Variants in GATA3 observed in about 807,000 individuals in gnomAD.
The protein encoded by GATA3 is GATA binding protein 3, also known as trans-acting T-cell-specific transcription factor GATA-3.
A neutral mutation model predicts 36.0 loss-of-function variants in GATA3; 6 were observed. The observed-to-expected ratio is 0.17, with a 90% CI of 0.09 to 0.33. GATA3 has a LOEUF of 0.33. GATA3 is among the 10% of genes least tolerant of loss of function. The pLI, the probability that GATA3 is intolerant of heterozygous loss-of-function variation, is 1.00. For missense variants in GATA3, 514 were observed against 610.1 expected, an observed-to-expected ratio of 0.84 and a Z score of 1.66; for synonymous variants, 326 against 273.0, an observed-to-expected ratio of 1.19 and a Z score of -1.92.
rs1161009409 is a variant in GATA3 at position 8,055,959 on chromosome 10, T to C, written c.241+63T>C. The C allele has an allele frequency of 1.3e-6, 2 of 1,544,870 alleles. No homozygotes were observed. The highest frequency in any genetic ancestry group is 8.7e-7 in the Non-Finnish European group (1 of 1,143,396). On this transcript the variant is annotated intron_variant, in intron 2 of 5. Transcript: ENST00000379328. This position sits in a 1 kb window ranked among gnomAD's most constrained non-coding sequence, Gnocchi z 5.4. ...CTTCAGCCGTCCCGGCTCGGGGAGG[T>C]CGGGAGGGACCTGAGGGCGGGGAGA...
In GATA3 at chr10:8,069,618, C is replaced by T. The variant is rs771990373; in HGVS notation, c.1050+20C>T. The T allele has an allele frequency of 4.3e-6, 7 of 1,613,884 alleles. No individual in the cohort carries two copies. Among genetic ancestry groups the T allele is most frequent in the Non-Finnish European group, 5.9e-6 (7 of 1,179,952 alleles). ...CACAATGTAAGTGGACTGGGATCAG[C>T]AAGAACAGGGCTCGCTTCCTGATGG... On this transcript the variant is annotated intron_variant, in intron 5 of 5. Transcript: ENST00000379328.
rs1315616378 is a variant in GATA3, at chr10:8,064,308, C to CTTTTT, written c.924+172_924+173insTTTTT. On this transcript the variant is annotated intron_variant, in intron 4 of 5. Transcript: ENST00000379328. ...CTTTTTCTTTCTTTCTTTTCTTCTT[C>CTTTTT]TTCTTTTTTTTTTTTTTTTTCAAAT... 6.1e-5 allele frequency among the ~76,000 whole-genome samples: 7 copies of CTTTTT among 114,134 alleles called. No homozygotes were observed. The South Asian group carries it at 8.4e-4, about 14-fold the overall frequency. 74.9% of individuals were successfully genotyped at this position (114,134 alleles called of 152,430 possible).
intron 3 of GATA3, among the ~76,000 whole-genome samples, chr10:8,061,080 TC>T (rs1460865066): frequency 1.3e-5 from 2 of 148,826 alleles, no homozygotes; most frequent in Admixed American, 7.0e-5. Context: ...TCTCTCTCTC[TC>T]TCTCTCTCTT....
At chr10:8,049,556 C>A (rs1038644198), upstream of GATA3, among the ~76,000 whole-genome samples, 2 of 152,166 alleles carry the variant, frequency 1.3e-5, no homozygotes, top group East Asian at 3.9e-4. Flanking sequence ...CCGCAGCGGG[C>A]TCCCCGCGGT....
Position 8,074,320 on chromosome 10 carries a change from G to T in GATA3, c.*297G>T. 2.4e-6 allele frequency: 1 copy of T among 418,276 alleles called. No individual in the cohort carries two copies. The highest frequency in any genetic ancestry group is 4.7e-5 in the South Asian group (1 of 21,500). The allele number at this position is 418,276 out of a possible 1,614,324, so 25.9% of individuals were successfully genotyped here. ...ACATTGCATATAACTTATATTGTAA[G>T]AAATACTGTACAATGACTTTATTGC... On this transcript the variant is annotated 3_prime_UTR_variant, in exon 6 of 6. Transcript: ENST00000379328.
At chr10:8,052,308 C>G (rs1564394813), upstream of GATA3, 1 of 152,212 alleles carries the variant, frequency 6.6e-6, no homozygotes, top group Admixed American at 6.5e-5. Flanking sequence ...GCCAGTCCGA[C>G]TTGGTGCTCG....
At chr10:8,064,634 T>C (rs1832806591) in intron 4 of GATA3, among the ~76,000 whole-genome samples, 1 of 152,192 alleles carries the variant, frequency 6.6e-6, no homozygotes. Context: ...GATGGATTTG[T>C]TATGCTAATG....
In GATA3 at chr10:8,055,744, G is replaced by C; in HGVS notation, c.89G>C (p.Gly30Ala). The C allele has an allele frequency of 6.3e-7, 1 of 1,578,404 alleles. No homozygotes were observed. The highest frequency in any genetic ancestry group is 2.3e-5 in the East Asian group (1 of 42,818). Residue 30 changes from glycine (G) to alanine (A), a missense_variant, in exon 2 of 6, where the codon GGC becomes GCC. This residue lies in a region of GATA3 where 381 missense variants were observed against 354.3 expected (regional missense o/e 1.08). Coordinates refer to ENST00000379328, the MANE Select transcript of GATA3 (RefSeq NM_001002295.2). This position sits in a 1 kb window ranked among gnomAD's most constrained non-coding sequence, Gnocchi z 5.4. ...NGQHPDTHHP[G>A]LSHSYMDAAQ... ...CAGCACCCGGACACGCACCACCCGGGCCTCAGCCACTCCTACATGGACGCG... is the reference window on the plus strand; with the variant it reads ...CAGCACCCGGACACGCACCACCCGGCCCTCAGCCACTCCTACATGGACGCG...
upstream of GATA3, chr10:8,052,907 GGGA>G (rs1832537564): frequency 6.7e-6 from 1 of 149,048 alleles, no homozygotes; most frequent in South Asian, 2.2e-4. Flanking sequence ...CGGGGGGGGG[GGGA>G]GCTTTCTTTA....
At chr10:8,053,424 A>G (rs1236111029), upstream of GATA3, 1 of 152,228 alleles carries the variant, frequency 6.6e-6, no homozygotes, top group Non-Finnish European at 1.5e-5. This position sits in a 1 kb window ranked among gnomAD's most constrained non-coding sequence, Gnocchi z 5.1. Context: ...TCGCCCGAGC[A>G]GCATTTTCGG....
chr10:8,071,609 C>A (rs1192626022), intron 5 of GATA3, among the ~76,000 whole-genome samples: 2 of 152,076 alleles, frequency 1.3e-5, no homozygotes, highest in Non-Finnish European at 2.9e-5. Flanking sequence ...TGGCTGGGCT[C>A]CAGTGAATGG....
At chr10:8,060,621 G>A (rs1383978347) in intron 3 of GATA3, among the ~76,000 whole-genome samples, 1 of 152,024 alleles carries the variant, frequency 6.6e-6, no homozygotes. Context: ...TGGTTTGTGC[G>A]GGGGGAGGGG....
chr10:8,058,544 G>T lies in GATA3; in HGVS notation c.481G>T (p.Val161Phe). 6.2e-7 allele frequency: 1 copy of T among 1,611,210 alleles called. No individual in the cohort carries two copies. Reference protein sequence around the residue: ...FTFPPTPPKDVSPDPSLSTPG... With the variant: ...FTFPPTPPKDFSPDPSLSTPG... ...CTTCCCGCCCACCCCGCCGAAGGAC[G>T]TCTCCCCGGACCCATCGCTGTCCAC... Residue 161 changes from valine to phenylalanine, a missense_variant, in exon 3 of 6, where the codon GTC (valine) becomes TTC (phenylalanine). Coordinates refer to ENST00000379328, the MANE Select transcript of GATA3 (RefSeq NM_001002295.2).
chr10:8,055,990 A>G lies in GATA3; in HGVS notation c.241+94A>G. ...GGGACCTGAGGGCGGGGAGAGGTCA[A>G]GCGAAAGCCCCCATCTGCCGTTCCT... is the stretch of plus-strand genomic sequence containing the variant. On this transcript the variant is annotated intron_variant, in intron 2 of 5. Transcript: ENST00000379328. This position sits in a 1 kb window ranked among gnomAD's most constrained non-coding sequence, Gnocchi z 5.4. 6.7e-7 allele frequency: 1 copy of G among 1,493,630 alleles called. No individual in the cohort carries two copies. The highest frequency in any genetic ancestry group is 2.5e-5 in the East Asian group (1 of 40,312). The allele number at this position is 1,493,630 out of a possible 1,614,324, so 92.5% of individuals were successfully genotyped here.
At chr10:8,052,167 G>A (rs1193880446), upstream of GATA3, 4 of 152,188 alleles carry the variant, frequency 2.6e-5, no homozygotes, top group Non-Finnish European at 1.5e-5. Flanking sequence ...CCTACCGGCT[G>A]GCTCCATTAC....
At chr10:8,069,371 T>G (rs2131510966) in intron 4 of GATA3, 102 bp from the exon 5 acceptor site, 1 of 1,223,300 alleles carries the variant, frequency 8.2e-7, no homozygotes, top group Non-Finnish European at 1.2e-6. Context: ...TCAATGATAA[T>G]TTCTTCCTTC....
At chr10:8,058,006 G>A (rs919580785) in intron 2 of GATA3, among the ~76,000 whole-genome samples, 1 of 152,116 alleles carries the variant, frequency 6.6e-6, no homozygotes, top group Non-Finnish European at 1.5e-5. Flanking sequence ...ATAAGCAAAG[G>A]GGCCCTTCTC....
At chr10:8,073,705 T>TAAAAAAAAA in intron 5 of GATA3, 34 bp from the exon 6 acceptor site, 1 of 1,408,452 alleles carries the variant, frequency 7.1e-7, no homozygotes, top group Non-Finnish European at 9.4e-7. Context: ...AGCAAAAAAG[T>TAAAAAAAAA]AAAAAAAAAA....
chr10:8,065,509 G>C (rs374026420), intron 4 of GATA3, among the ~76,000 whole-genome samples: 19 of 151,788 alleles, frequency 1.3e-4, no homozygotes, highest in Middle Eastern at 3.4e-3. Context: ...CCACCGCCTC[G>C]GCCTCCCAGA....
Sources: allele counts gnomAD v4.1 joint callset (sites outside exome capture counted in the v4.1 genomes callset), GRCh38; gene constraint gnomAD v4.1.1; regional missense constraint gnomAD v4.1.1; non-coding constraint Gnocchi (gnomAD v3.1); transcripts MANE v1.5; gene names NCBI Gene and HGNC (gene_info 2026-07-23, HGNC 2026-07-21).